The following IQCN variants were observed in gnomAD, a reference collection of about 807,000 sequenced individuals.
The protein encoded by IQCN is IQ domain-containing protein N.
IQCN carries 46 observed loss-of-function variants against 64.4 expected under a neutral mutation model. That is an observed-to-expected ratio of 0.71 (90% confidence interval 0.56 to 0.91). The LOEUF (loss-of-function observed/expected upper bound fraction) is 0.91. IQCN is among the 40% of genes least tolerant of loss of function. The pLI, the probability that IQCN is intolerant of heterozygous loss-of-function variation, is 0.00. For missense variants in IQCN, 1,753 were observed against 1,857.4 expected (o/e 0.94, Z 1.03); for synonymous variants, 733 against 775.6 (o/e 0.95, Z 0.91).
chr19:18,267,136 TCCTG>T lies in IQCN; in HGVS notation c.400_403del (p.Gln134ArgfsTer19), dbSNP rs774957104. ...TCTCTTGTTGAAGCGCCGCCAGGCCTCCTGGATGGCCTTGGCCGCCATCATCTGG... is the reference window on the plus strand; with the variant it reads ...TCTCTTGTTGAAGCGCCGCCAGGCCTGATGGCCTTGGCCGCCATCATCTGG... On this transcript the variant is annotated frameshift_variant, in exon 3 of 4. Coordinates refer to ENST00000392413, the MANE Select transcript of IQCN (RefSeq NM_001145304.2). LOFTEE classifies it high-confidence loss of function. 6.2e-7 allele frequency: 1 copy of T among 1,614,246 alleles called. No individual in the cohort carries two copies. Among genetic ancestry groups the T allele is most frequent in the Non-Finnish European group, 8.5e-7 (1 of 1,180,048 alleles).
In IQCN at chr19:18,266,290, T is replaced by G; in HGVS notation, c.1250A>C (p.Gln417Pro). The change falls in exon 3 of 4, where the codon CAG becomes CCG. Residue 417 changes from glutamine (Q) to proline (P), a missense_variant. Coordinates refer to ENST00000392413, the MANE Select transcript of IQCN (RefSeq NM_001145304.2). This position sits in a 1 kb window ranked among gnomAD's most constrained non-coding sequence, Gnocchi z 4.3. ...PTASRTGTPR[Q>P]TCPATITAKN... ...TGCCGTGATGGTCGCAGGGCATGTC[T>G]GCCGTGGGGTGCCAGTTCTGGAGGC... The G allele has an allele frequency of 6.2e-7, 1 of 1,613,462 alleles. No individual in the cohort carries two copies. The highest frequency in any genetic ancestry group is 8.5e-7 in the Non-Finnish European group (1 of 1,179,726).
At chr19:18,267,599 A>T in intron 2 of IQCN, 73 bp from the exon 3 acceptor site, 1 of 1,461,276 alleles carries the variant, frequency 6.8e-7, no homozygotes, top group East Asian at 2.4e-5. Context: ...TGGGGTGGAC[A>T]CTGGCCCCCC....
In IQCN at chr19:18,266,823, T is replaced by C. The variant is rs1969601921; in HGVS notation, c.717A>G (p.Pro239=). 2 of 1,614,102 alleles carry C rather than the reference T, an allele frequency of 1.2e-6. No homozygotes were observed. The highest frequency in any genetic ancestry group is 1.7e-6 in the Non-Finnish European group (2 of 1,180,010). ...AARVRGLAFL[P]HQTVTIRFPC... ...GAAATCTGATGGTGACCGTCTGGTG[T>C]GGCAGGAAGGCCAGCCCCCGGACTC... The change falls in exon 3 of 4, where the codon CCA becomes CCG. Residue 239 remains proline, a synonymous_variant. Coordinates refer to ENST00000392413, the MANE Select transcript of IQCN (RefSeq NM_001145304.2). The surrounding 1 kb of genome is among the most constrained non-coding windows in gnomAD (Gnocchi z 4.3).
In IQCN at chr19:18,266,740, C is replaced by T; in HGVS notation, c.800G>A (p.Arg267Lys). The T allele has an allele frequency of 2.5e-6, 4 of 1,614,176 alleles. No homozygotes were observed. Among genetic ancestry groups the T allele is most frequent in the Non-Finnish European group, 3.4e-6 (4 of 1,180,032 alleles). ...CQPCLLTRTI[R>K]STCLVHIEGD... The stretch of plus-strand genomic sequence containing the variant: ...CTCTATGTGGACGAGGCAGGTGCTT[C>T]TGATGGTTCTGGTCAGCAGGCATGG... Residue 267 changes from arginine (R) to lysine (K), a missense_variant, in exon 3 of 4, where the codon AGA becomes AAA. By Grantham distance (26) the Arg-to-Lys change is conservative (BLOSUM62 2). Transcript: ENST00000392413. The surrounding 1 kb of genome is among the most constrained non-coding windows in gnomAD (Gnocchi z 4.3).
rs774235414 is a variant in IQCN, at chr19:18,266,822, G to A, written c.718C>T (p.His240Tyr). 4.3e-6 allele frequency: 7 copies of A among 1,614,046 alleles called. No homozygotes were observed. Among genetic ancestry groups the A allele is most frequent in the Middle Eastern group, 1.6e-4 (1 of 6,084 alleles). The change falls in exon 3 of 4, where the codon CAC (histidine) becomes TAC (tyrosine). Residue 240 changes from histidine to tyrosine, a missense_variant. His to Tyr is a moderately conservative substitution (Grantham distance 83). Coordinates refer to ENST00000392413, the MANE Select transcript of IQCN (RefSeq NM_001145304.2). This position sits in a 1 kb window ranked among gnomAD's most constrained non-coding sequence, Gnocchi z 4.3. ...GGAAATCTGATGGTGACCGTCTGGT[G>A]TGGCAGGAAGGCCAGCCCCCGGACT... ...ARVRGLAFLP[H>Y]QTVTIRFPCP...
Position 18,264,829 on chromosome 19 carries a change from T to G in IQCN, c.2711A>C (p.Gln904Pro), listed in dbSNP as rs1172006206. 6.4e-7 allele frequency: 1 copy of G among 1,571,432 alleles called. No individual in the cohort carries two copies. The change falls in exon 3 of 4, where the codon CAG becomes CCG. Residue 904 changes from glutamine (Q) to proline (P), a missense_variant. Transcript: ENST00000392413. This position sits in a 1 kb window ranked among gnomAD's most constrained non-coding sequence, Gnocchi z 4.3. ...LRTLLAKALSQGEVWAALNQA... is the reference protein window; with the variant it reads ...LRTLLAKALSPGEVWAALNQA... ...GTTCAGAGCTGCCCAGACTTCTCCC[T>G]GGGAGAGGGCTTTGGCCAACAGAGT...
intron 1 of IQCN, among the ~76,000 whole-genome samples, chr19:18,270,630 G>A (rs1969715144): frequency 6.6e-6 from 1 of 152,062 alleles, no homozygotes; most frequent in African/African-American, 2.4e-5. Context: ...CTGCACTCGA[G>A]CCTGAGCGAC....
chr19:18,264,821 C>G lies in IQCN; in HGVS notation c.2719G>C (p.Val907Leu). Reference protein sequence around the residue: ...LLAKALSQGEVWAALNQALSK... With the variant: ...LLAKALSQGELWAALNQALSK... Reference sequence around the variant, plus strand: ...AGGGCCTGGTTCAGAGCTGCCCAGACTTCTCCCTGGGAGAGGGCTTTGGCC... The same window carrying G: ...AGGGCCTGGTTCAGAGCTGCCCAGAGTTCTCCCTGGGAGAGGGCTTTGGCC... Residue 907 changes from valine (V) to leucine (L), a missense_variant, in exon 3 of 4, where the codon GTC (valine) becomes CTC (leucine). Coordinates refer to ENST00000392413, the MANE Select transcript of IQCN (RefSeq NM_001145304.2). This position sits in a 1 kb window ranked among gnomAD's most constrained non-coding sequence, Gnocchi z 4.3. 1 of 1,563,498 alleles carries G rather than the reference C, an allele frequency of 6.4e-7. No individual in the cohort carries two copies. Among genetic ancestry groups the G allele is most frequent in the Non-Finnish European group, 8.7e-7 (1 of 1,153,736 alleles).
At chr19:18,260,857 G>A (rs1463277652) in intron 3 of IQCN, 1 of 152,628 alleles carries the variant, frequency 6.6e-6, no homozygotes, top group Non-Finnish European at 1.5e-5. Flanking sequence ...ATAGGTTGGT[G>A]GGCTAGCCTT....
chr19:18,274,120 G>A (rs1568284732), intron 1 of IQCN, among the ~76,000 whole-genome samples: 2 of 152,002 alleles, frequency 1.3e-5, no homozygotes, highest in Non-Finnish European at 1.5e-5. Flanking sequence ...TAATAATAAA[G>A]AGACATAACA....
chr19:18,260,456 G>A (rs1020073214), intron 3 of IQCN: 1 of 152,668 alleles, frequency 6.6e-6, no homozygotes, highest in Non-Finnish European at 1.5e-5. Flanking sequence ...ATGGCTCATT[G>A]AGGCCATGAC....
Position 18,264,716 on chromosome 19 carries a change from A to C in IQCN, c.2824T>G (p.Ser942Ala), listed in dbSNP as rs1568278125. The C allele has an allele frequency of 2.6e-6, 4 of 1,551,042 alleles. No homozygotes were observed. The Admixed American group carries it at 5.9e-5, about 23-fold the overall frequency. Residue 942 changes from serine to alanine, a missense_variant, in exon 3 of 4, where the codon TCC (serine) becomes GCC (alanine). Ser to Ala is a moderately conservative substitution (Grantham distance 99). Coordinates refer to ENST00000392413, the MANE Select transcript of IQCN (RefSeq NM_001145304.2). This position sits in a 1 kb window ranked among gnomAD's most constrained non-coding sequence, Gnocchi z 4.3. ...AGGGTCAGGCGCAGCTCACTCCAGGACAGCGCCTTCACCAGCGCCATGCTC... is the reference window on the plus strand; with the variant it reads ...AGGGTCAGGCGCAGCTCACTCCAGGCCAGCGCCTTCACCAGCGCCATGCTC... The part of the protein sequence containing the change: ...MLSMALVKAL[S>A]WSELRLTLSR...
At chr19:18,269,339 CAG>C (rs2148110685) in intron 2 of IQCN, 125 bp downstream of exon 2, 3 of 873,826 alleles carry the variant, frequency 3.4e-6, no homozygotes, top group East Asian at 2.5e-5. Context: ...AACTAGGATG[CAG>C]AGAGAGCTGG....
chr19:18,266,784 A>G lies in IQCN; in HGVS notation c.756T>C (p.Ser252=). ...GGCATGGCTGGCATTTTGCGTCCAG[A>G]CTCACTGGGCAGGGAAATCTGATGG... ...TVTIRFPCPV[S]LDAKCQPCLL... is the part of the protein sequence containing the mutation. The change falls in exon 3 of 4, where the codon AGT becomes AGC. Residue 252 remains serine, a synonymous_variant. Transcript: ENST00000392413. This position sits in a 1 kb window ranked among gnomAD's most constrained non-coding sequence, Gnocchi z 4.3. The G allele has an allele frequency of 6.2e-7, 1 of 1,613,996 alleles. No homozygotes were observed. The highest frequency in any genetic ancestry group is 8.5e-7 in the Non-Finnish European group (1 of 1,179,988).
chr19:18,258,316 C>A, intron 3 of IQCN: 1 of 706,722 alleles, frequency 1.4e-6, no homozygotes, highest in Non-Finnish European at 2.6e-6. Context: ...GTGCGGATGA[C>A]GGGCCTTACC....
At chr19:18,268,239 G>A (rs1969650730) in intron 2 of IQCN, among the ~76,000 whole-genome samples, 1 of 147,760 alleles carries the variant, frequency 6.8e-6, no homozygotes, top group South Asian at 2.1e-4. Context: ...AGAGAGAGAA[G>A]TGTGGTGGGG....
At position 18,267,342 on chromosome 19, in the gene IQCN, C is replaced by G; in HGVS notation, c.198G>C (p.Pro66=). The change falls in exon 3 of 4, where the codon CCG becomes CCC. Residue 66 remains proline (P), a synonymous_variant. Transcript: ENST00000392413. ...HEGLKSKEHL[P]QQPAEGKTAS... ...CCGTCTTGCCTTCGGCAGGCTGTTGCGGAAGATGCTCCTTGGACTTGAGGC... is the reference window on the plus strand; with the variant it reads ...CCGTCTTGCCTTCGGCAGGCTGTTGGGGAAGATGCTCCTTGGACTTGAGGC... 6.2e-7 allele frequency: 1 copy of G among 1,614,014 alleles called. No individual in the cohort carries two copies. The highest frequency in any genetic ancestry group is 8.5e-7 in the Non-Finnish European group (1 of 1,179,930).
chr19:18,267,055 T>TC lies in IQCN; in HGVS notation c.484dup (p.Asp162GlyfsTer37). 6.2e-7 allele frequency: 1 copy of TC among 1,614,248 alleles called. No homozygotes were observed. Among genetic ancestry groups the TC allele is most frequent in the Non-Finnish European group, 8.5e-7 (1 of 1,180,040 alleles). On this transcript the variant is annotated frameshift_variant, in exon 3 of 4. Coordinates refer to ENST00000392413, the MANE Select transcript of IQCN (RefSeq NM_001145304.2). LOFTEE classifies it high-confidence loss of function. Reference sequence around the variant, plus strand: ...CTGCTGTGGGGCGTGATAAGGTATGTCCCCCTCCTCCGCCCTCGTTTTCTT... The same window carrying TC: ...CTGCTGTGGGGCGTGATAAGGTATGTCCCCCCTCCTCCGCCCTCGTTTTCTT...
chr19:18,257,715 G>T lies in IQCN; in HGVS notation c.3569C>A (p.Thr1190Lys). ...ARHWQMLHPVTWVELGSRAGV... is the reference protein window; with the variant it reads ...ARHWQMLHPVKWVELGSRAGV... ...GGCCCGGCTGCCCAGCTCCACCCAC[G>T]TGACGGGGTGGAGCATCTGCCAGTG... The change falls in exon 4 of 4, where the codon ACG (threonine) becomes AAG (lysine). Residue 1190 changes from threonine to lysine, a missense_variant. By Grantham distance (78) the Thr-to-Lys change is moderately conservative. Coordinates refer to ENST00000392413, the MANE Select transcript of IQCN (RefSeq NM_001145304.2). The T allele has an allele frequency of 6.2e-7, 1 of 1,608,384 alleles. No homozygotes were observed. Among genetic ancestry groups the T allele is most frequent in the Non-Finnish European group, 8.5e-7 (1 of 1,177,126 alleles).
Sources: allele counts gnomAD v4.1 joint callset (sites outside exome capture counted in the v4.1 genomes callset), GRCh38; gene constraint gnomAD v4.1.1; non-coding constraint Gnocchi (gnomAD v3.1); transcripts MANE v1.5; gene names NCBI Gene and HGNC (gene_info 2026-07-23, HGNC 2026-07-21).